The following EYS variants were observed in gnomAD, a reference collection of about 807,000 sequenced individuals.
The protein encoded by EYS is protein eyes shut homolog.
Under a neutral mutation model 282.1 loss-of-function variants are expected in EYS, and 250 were observed. The observed-to-expected ratio is 0.89, with a 90% CI of 0.80 to 0.98. The LOEUF (loss-of-function observed/expected upper bound fraction) is 0.98. Ranked by LOEUF, EYS falls within the 50% of genes least tolerant of loss-of-function variation. The probability of loss-of-function intolerance (pLI) is 0.00; values close to 1 mark genes in which losing one functional copy is unlikely to be tolerated. For missense variants in EYS, 4,016 were observed against 3,709.0 expected (o/e 1.08, Z -2.15); for synonymous variants, 1,355 against 1,282.9 (o/e 1.06, Z -1.20).
chr6:65,114,474 T>G (rs77884363), intron 12 of EYS, among the ~76,000 whole-genome samples: 2 of 143,226 alleles, frequency 1.4e-5, no homozygotes. Context: ...TTTTTTTTTT[T>G]AAATTTCTCC....
intron 5 of EYS, among the ~76,000 whole-genome samples, chr6:65,457,207 A>G (rs9360130): frequency 0.18 from 28,096 of 151,996 alleles, 3,223 homozygotes; most frequent in Middle Eastern, 0.3. Context: ...CCTCTGTCAC[A>G]TCGGCTGGAG....
chr6:64,930,077 G>T (rs189392434), intron 15 of EYS, among the ~76,000 whole-genome samples: 172 of 152,136 alleles, frequency 1.1e-3, no homozygotes, highest in Middle Eastern at 0.01. Flanking sequence ...CTGTCCAAAA[G>T]ATAATTTGAT....
chr6:64,496,712 T>C (rs142777401), intron 26 of EYS, among the ~76,000 whole-genome samples: 1 of 152,136 alleles, frequency 6.6e-6, no homozygotes, highest in East Asian at 1.9e-4. Flanking sequence ...TAAATTATAA[T>C]GTTAAATGTT....
chr6:64,309,452 T>C lies in EYS; in HGVS notation c.6079-2370A>G, dbSNP rs79981702. Among the ~76,000 whole-genome samples the C allele has an allele frequency of 6.8e-4, 104 of 152,302 alleles. 1 individual carries two copies. In the East Asian group the frequency reaches 0.016, roughly 24 times the overall value. ...CCTTTACATTTGAGTAAATTCAAAA[T>C]TTCTTCATTTCTTATGTTTTAATAG... is the stretch of plus-strand genomic sequence containing the variant. On this transcript the variant is annotated intron_variant, in intron 29 of 42. Coordinates refer to ENST00000503581, the MANE Select transcript of EYS (RefSeq NM_001142800.2).
rs543563593 is a variant in EYS, at chr6:64,160,033, G to T, written c.6424+70559C>A. Among the ~76,000 whole-genome samples the T allele has an allele frequency of 2.6e-5, 4 of 152,116 alleles. No homozygotes were observed. In the South Asian group the frequency reaches 8.3e-4, roughly 32 times the overall value. ...CAAACAGGTAGCTCACTTTCTAAAG[G>T]CCCCAGAGTTGTGAAATGGTAAAAC... On this transcript the variant is annotated intron_variant, in intron 31 of 42. Coordinates refer to ENST00000503581, the MANE Select transcript of EYS (RefSeq NM_001142800.2).
intron 26 of EYS, among the ~76,000 whole-genome samples, chr6:64,539,069 C>T (rs1764616145): frequency 6.6e-6 from 1 of 152,080 alleles, no homozygotes; most frequent in African/African-American, 2.4e-5. Flanking sequence ...TTGTGACTGG[C>T]TTATTTCACT....
chr6:65,501,848 G>A (rs1253141523), intron 2 of EYS, among the ~76,000 whole-genome samples: 1 of 151,416 alleles, frequency 6.6e-6, no homozygotes, highest in African/African-American at 2.4e-5. Context: ...TCTAGAGGGT[G>A]AAAATATTAT....
At chr6:64,960,187 A>G (rs1050084374) in intron 14 of EYS, among the ~76,000 whole-genome samples, 39 of 152,134 alleles carry the variant, frequency 2.6e-4, no homozygotes, top group Non-Finnish European at 1.0e-4. Flanking sequence ...CCTGTTAACA[A>G]ATATTTATAA....
At chr6:64,425,272 G>A (rs1345373416) in intron 28 of EYS, among the ~76,000 whole-genome samples, 1 of 152,108 alleles carries the variant, frequency 6.6e-6, no homozygotes, top group African/African-American at 2.4e-5. Flanking sequence ...GTGATTTGAT[G>A]TAATATGTTT....
chr6:64,856,242 T>A (rs376413806), intron 19 of EYS, among the ~76,000 whole-genome samples: 4 of 152,002 alleles, frequency 2.6e-5, no homozygotes, highest in Admixed American at 2.6e-4. Context: ...TAAATGAGAG[T>A]TCCTGTTGCT....
chr6:64,024,054 C>T (rs867788197), intron 33 of EYS, among the ~76,000 whole-genome samples: 21 of 152,200 alleles, frequency 1.4e-4, no homozygotes, highest in Admixed American at 1.3e-4. Context: ...CGAGCCTCCC[C>T]GATGAGTGCC....
intron 5 of EYS, among the ~76,000 whole-genome samples, chr6:65,474,851 A>C (rs1321161816): frequency 2.6e-5 from 4 of 152,120 alleles, no homozygotes; most frequent in Non-Finnish European, 4.4e-5. Flanking sequence ...ACTAAGAATT[A>C]AAAGTGCTCA....
chr6:65,184,365 C>T (rs938716680), intron 12 of EYS, among the ~76,000 whole-genome samples: 13 of 151,840 alleles, frequency 8.6e-5, no homozygotes, highest in Non-Finnish European at 1.3e-4. Flanking sequence ...AAACTTACAA[C>T]CATGATAATG....
chr6:64,727,460 C>A (rs1282166704), intron 22 of EYS, among the ~76,000 whole-genome samples: 2 of 152,134 alleles, frequency 1.3e-5, no homozygotes, highest in Non-Finnish European at 2.9e-5. Context: ...CTGCACTGAC[C>A]TATCATCAAA....
chr6:65,267,913 T>A lies in EYS; in HGVS notation c.2023+27950A>T, dbSNP rs185240516. 2.3e-3 allele frequency among the ~76,000 whole-genome samples: 342 copies of A among 151,840 alleles called. 3 individuals are homozygous for A. The highest frequency in any genetic ancestry group is 7.8e-3 in the African/African-American group (323 of 41,492). ...TCTTCAAAAATTGGCCATATTGAAATTAACCTTAGAAAATGTGTGTCTCAC... is the reference window on the plus strand; with the variant it reads ...TCTTCAAAAATTGGCCATATTGAAAATAACCTTAGAAAATGTGTGTCTCAC... On this transcript the variant is annotated intron_variant, in intron 12 of 42. Transcript: ENST00000503581.
chr6:65,434,322 ATTT>A (rs369477528), intron 5 of EYS, among the ~76,000 whole-genome samples: 3 of 144,590 alleles, frequency 2.1e-5, no homozygotes, highest in Non-Finnish European at 4.5e-5. Flanking sequence ...GGTTTGCATA[ATTT>A]TTTTTTTTTT....
At chr6:65,258,170 A>C (rs1013841217) in intron 12 of EYS, among the ~76,000 whole-genome samples, 1 of 152,082 alleles carries the variant, frequency 6.6e-6, no homozygotes, top group Non-Finnish European at 1.5e-5. Context: ...AATAACTTTT[A>C]GGTTAAAAAT....
rs115719503 is a variant in EYS, at chr6:64,044,124, G to A, written c.6725+22214C>T. Among the ~76,000 whole-genome samples the A allele has an allele frequency of 5.4e-3, 827 of 152,228 alleles. 8 individuals are homozygous for A. Among genetic ancestry groups the A allele is most frequent in the African/African-American group, 0.019 (789 of 41,540 alleles). The stretch of plus-strand genomic sequence containing the variant: ...ATATTTCTATATCTTTTGAAAATAG[G>A]ATTCCAAATATGTTCAACGGTCTTT... On this transcript the variant is annotated intron_variant, in intron 33 of 42. Coordinates refer to ENST00000503581, the MANE Select transcript of EYS (RefSeq NM_001142800.2).
chr6:64,614,790 T>G (rs967654973), intron 24 of EYS, among the ~76,000 whole-genome samples: 3 of 152,086 alleles, frequency 2.0e-5, no homozygotes, highest in Admixed American at 6.6e-5. Context: ...ACTTATTGAA[T>G]GCTGTGCTAA....
Sources: gnomAD v4.1 joint callset for allele counts (sites outside exome capture counted in the v4.1 genomes callset) on GRCh38, gnomAD v4.1.1 for gene constraint, MANE v1.5 for transcripts, NCBI Gene and HGNC (gene_info 2026-07-23, HGNC 2026-07-21) for gene names.